PLA2G6: variants seen among roughly 807,000 people sequenced by gnomAD.
PLA2G6 encodes the protein 85/88 kDa calcium-independent phospholipase A2.
In PLA2G6, 62 loss-of-function variants were observed where a neutral mutation model predicts 83.8. The observed-to-expected ratio is 0.74, with a 90% CI of 0.60 to 0.91. PLA2G6 has a LOEUF of 0.91. PLA2G6 is among the 40% of genes least tolerant of loss of function. The pLI, the probability that PLA2G6 is intolerant of heterozygous loss-of-function variation, is 0.00. For synonymous variants in PLA2G6, 417 were observed against 449.8 expected (o/e 0.93, Z 0.92); for missense variants, 944 against 1,102.0 (o/e 0.86, Z 2.03).
chr22:38,116,329 G>T, intron 12 of PLA2G6, 118 bp from the exon 13 acceptor site: 1 of 1,124,308 alleles, frequency 8.9e-7, no homozygotes, highest in Non-Finnish European at 1.3e-6. Context: ...CCTCTGTTCG[G>T]GATAGGTGGG....
intron 12 of PLA2G6, among the ~76,000 whole-genome samples, chr22:38,117,982 G>A (rs907611034): frequency 2.0e-5 from 3 of 149,820 alleles, no homozygotes; most frequent in Non-Finnish European, 3.0e-5. Flanking sequence ...ATTGCAGTGA[G>A]CCGAGATCGC....
At chr22:38,144,073 G>A (rs967926494) in intron 3 of PLA2G6, 1 of 163,754 alleles carries the variant, frequency 6.1e-6, no homozygotes, top group Non-Finnish European at 1.3e-5. Context: ...CTGGGCCTGG[G>A]AGCTTAACTG....
chr22:38,154,400 C>T (rs956331051), intron 2 of PLA2G6, among the ~76,000 whole-genome samples: 4 of 152,186 alleles, frequency 2.6e-5, no homozygotes, highest in Admixed American at 1.3e-4. Flanking sequence ...CGGCCCAGCA[C>T]AGAGAGAGAG....
At chr22:38,122,986 C>T (rs1398476396) in intron 11 of PLA2G6, 109 bp downstream of exon 11, 4 of 1,089,734 alleles carry the variant, frequency 3.7e-6, no homozygotes, top group Non-Finnish European at 5.4e-6. Context: ...TGCTTATAGC[C>T]CTCCTCTACT....
At chr22:38,172,726 G>C (rs1165359337) in intron 1 of PLA2G6, among the ~76,000 whole-genome samples, 2 of 152,242 alleles carry the variant, frequency 1.3e-5, no homozygotes, top group Non-Finnish European at 2.9e-5. Flanking sequence ...AGGGCAGAGA[G>C]TCAAGAGCAT....
In PLA2G6 at chr22:38,134,593, T is replaced by C. The variant is rs11570670; in HGVS notation, c.894+395A>G. 1,133 of 167,666 alleles carry C rather than the reference T, an allele frequency of 6.8e-3. 7 individuals are homozygous for C. Among genetic ancestry groups the C allele is most frequent in the Non-Finnish European group, 0.011 (829 of 78,026 alleles). 10.4% of individuals were successfully genotyped at this position (167,666 alleles called of 1,614,324 possible). ...AATAAAATAAAAAAATAAACCCCCC[T>C]CTCTCTCTATATATATATCTCCTGT... is the stretch of plus-strand genomic sequence containing the variant. On this transcript the variant is annotated intron_variant, in intron 6 of 16. Coordinates refer to ENST00000332509, the MANE Select transcript of PLA2G6 (RefSeq NM_003560.4).
chr22:38,133,113 G>T, intron 6 of PLA2G6, 100 bp from the exon 7 acceptor site: 1 of 1,141,318 alleles, frequency 8.8e-7, no homozygotes, highest in Non-Finnish European at 1.3e-6. Context: ...AGGCCTACAG[G>T]TACTGGGATG....
intron 1 of PLA2G6, among the ~76,000 whole-genome samples, chr22:38,173,041 A>G (rs533383798): frequency 6.6e-6 from 1 of 152,312 alleles, no homozygotes; most frequent in East Asian, 1.9e-4. Context: ...GAAGAAAGGA[A>G]ATGACAGCCA....
At chr22:38,122,337 A>G (rs1254497571) in intron 11 of PLA2G6, among the ~76,000 whole-genome samples, 1 of 152,126 alleles carries the variant, frequency 6.6e-6, no homozygotes, top group Non-Finnish European at 1.5e-5. Flanking sequence ...GTCCCAGGAC[A>G]ATGTCCAGGG....
At chr22:38,145,372 C>T (rs1369139075) in intron 3 of PLA2G6, 66 bp downstream of exon 3, 25 of 1,322,986 alleles carry the variant, frequency 1.9e-5, no homozygotes, top group East Asian at 7.3e-5. Flanking sequence ...CCGAGGCCTG[C>T]GGCCCCCACT....
chr22:38,121,010 A>C, intron 11 of PLA2G6, 101 bp from the exon 12 acceptor site: 1 of 1,445,648 alleles, frequency 6.9e-7, no homozygotes, highest in Non-Finnish European at 9.5e-7. Flanking sequence ...TGGCAGGAGG[A>C]AGCGGGTTTA....
At chr22:38,148,859 CTTTTTTT>C (rs200966258) in intron 2 of PLA2G6, 9 of 152,534 alleles carry the variant, frequency 5.9e-5, no homozygotes, top group South Asian at 1.2e-4. Context: ...TAGATTATTT[CTTTTTTT>C]TTTTTTTTTT....
At chr22:38,135,120 C>A in intron 5 of PLA2G6, 36 bp from the exon 6 acceptor site, 1 of 1,452,630 alleles carries the variant, frequency 6.9e-7, no homozygotes, top group South Asian at 1.1e-5. Flanking sequence ...TGAGCAGAAG[C>A]TAGGGTCTGC....
At chr22:38,173,555 C>T (rs545236641) in intron 1 of PLA2G6, among the ~76,000 whole-genome samples, 8 of 152,254 alleles carry the variant, frequency 5.3e-5, no homozygotes, top group Admixed American at 1.3e-4. Context: ...TGGCCGTTTT[C>T]CTTATCTCTG....
At chr22:38,172,660 G>A (rs564086290) in intron 1 of PLA2G6, among the ~76,000 whole-genome samples, 42 of 152,362 alleles carry the variant, frequency 2.8e-4, no homozygotes, top group South Asian at 1.7e-3. Flanking sequence ...CTGGAAGAGC[G>A]CAGAGAGGCT....
intron 7 of PLA2G6, chr22:38,131,956 A>C: frequency 2.9e-6 from 1 of 339,866 alleles, no homozygotes; most frequent in African/African-American, 2.2e-5. Flanking sequence ...CTCTACTAAA[A>C]ATACAAAAAT....
Position 38,123,218 on chromosome 22 carries a change from CT to C in PLA2G6, c.1467del (p.Gly490AlafsTer55). 6.4e-7 allele frequency: 1 copy of C among 1,557,006 alleles called. No individual in the cohort carries two copies. Among genetic ancestry groups the C allele is most frequent in the Non-Finnish European group, 8.7e-7 (1 of 1,150,128 alleles). On this transcript the variant is annotated frameshift_variant, in exon 11 of 17. Coordinates refer to ENST00000332509, the MANE Select transcript of PLA2G6 (RefSeq NM_003560.4). LOFTEE classifies it high-confidence loss of function. This position sits in a 1 kb window ranked among gnomAD's most constrained non-coding sequence, Gnocchi z 4.1. ...ATGAGGAGCTGGATGATGATGAGGC[CT>C]TTCACTCCTCCTCCATCCAGGCACA... ...HLLCLDGGGV[K>X]GLIIIQLLIA...
At position 38,112,213 on chromosome 22, in the gene PLA2G6, T is replaced by C. The variant is rs149605475; in HGVS notation, c.2369A>G (p.Tyr790Cys). 2.7e-5 allele frequency: 44 copies of C among 1,610,784 alleles called. No individual in the cohort carries two copies. The highest frequency in any genetic ancestry group is 1.5e-4 in the South Asian group (14 of 90,352). ...NALWETEVYIYEHREEFQKLI... is the reference protein window; with the variant it reads ...NALWETEVYICEHREEFQKLI... ...CTTCTGGAACTCCTCGCGGTGCTCATAGATGTAGACCTCGGTCTCCCAGAG... is the reference window on the plus strand; with the variant it reads ...CTTCTGGAACTCCTCGCGGTGCTCACAGATGTAGACCTCGGTCTCCCAGAG... The change falls in exon 17 of 17, where the codon TAT becomes TGT. Residue 790 changes from tyrosine to cysteine, a missense_variant. Physicochemically the swap from Tyr to Cys is radical, Grantham distance 194 (BLOSUM62 -2). Coordinates refer to ENST00000332509, the MANE Select transcript of PLA2G6 (RefSeq NM_003560.4).
In PLA2G6 at chr22:38,132,942, G is replaced by A. The variant is rs144033740; in HGVS notation, c.966C>T (p.His322=). 8.2e-4 allele frequency: 1,282 copies of A among 1,562,166 alleles called. 2 individuals carry two copies. The highest frequency in any genetic ancestry group is 1.0e-3 in the Non-Finnish European group (1,189 of 1,153,770). Residue 322 remains histidine, a synonymous_variant, in exon 7 of 17, where the codon CAC becomes CAT. Coordinates refer to ENST00000332509, the MANE Select transcript of PLA2G6 (RefSeq NM_003560.4). This position sits in a 1 kb window ranked among gnomAD's most constrained non-coding sequence, Gnocchi z 5.0. ...STSSAGNTAL[H]VAVMRNRFDC... ...CGAAGCGGTTGCGCATCACCGCCAC[G>A]TGCAGGGCCGTGTTCCCCGCGGAGC...
Sources: allele counts gnomAD v4.1 joint callset (sites outside exome capture counted in the v4.1 genomes callset), GRCh38; gene constraint gnomAD v4.1.1; non-coding constraint Gnocchi (gnomAD v3.1); transcripts MANE v1.5; gene names NCBI Gene and HGNC (gene_info 2026-07-23, HGNC 2026-07-21).